Variants in SGMS1 observed in about 807,000 individuals in gnomAD.
SGMS1 encodes the protein sphingomyelin synthase 1, also known as phosphatidylcholine:ceramide cholinephosphotransferase 1.
A neutral mutation model predicts 46.2 loss-of-function variants in SGMS1; 13 were observed. The observed-to-expected ratio is 0.28, with a 90% confidence interval of 0.18 to 0.45. The LOEUF is 0.45. Among genes scored for constraint, SGMS1 ranks in the 20% least tolerant of loss-of-function variants. The pLI, the probability that SGMS1 is intolerant of heterozygous loss-of-function variation, is 1.00. For missense variants in SGMS1, 324 were observed against 519.9 expected, an observed-to-expected ratio of 0.62 and a Z score of 3.66; for synonymous variants, 203 against 187.8, an observed-to-expected ratio of 1.08 and a Z score of -0.66.
intron 1 of SGMS1, among the ~76,000 whole-genome samples, chr10:50,593,173 C>CTG (rs1468903885): frequency 6.6e-6 from 1 of 152,250 alleles, no homozygotes; most frequent in Non-Finnish European, 1.5e-5. Flanking sequence ...CAGCAAGGAA[C>CTG]TGAGGCCTCC....
chr10:50,427,292 C>T (rs1340287425), intron 6 of SGMS1, among the ~76,000 whole-genome samples: 3 of 151,910 alleles, frequency 2.0e-5, no homozygotes, highest in Non-Finnish European at 2.9e-5. Context: ...CCAGCTACTC[C>T]GGAGGCTGAG....
chr10:50,392,450 C>T (rs1848786754), intron 6 of SGMS1, among the ~76,000 whole-genome samples: 1 of 152,164 alleles, frequency 6.6e-6, no homozygotes, highest in Non-Finnish European at 1.5e-5. Context: ...CACAGTCTTT[C>T]ACCTAACTGT....
intron 8 of SGMS1, among the ~76,000 whole-genome samples, chr10:50,317,855 G>A (rs1213359948): frequency 6.8e-6 from 1 of 147,832 alleles, no homozygotes; most frequent in Non-Finnish European, 1.5e-5. Context: ...CCCGGCTGGA[G>A]TGCAATGGCA....
chr10:50,386,482 A>C (rs1848684330), intron 6 of SGMS1, among the ~76,000 whole-genome samples: 1 of 152,160 alleles, frequency 6.6e-6, no homozygotes, highest in East Asian at 1.9e-4. Flanking sequence ...TCCACACCTT[A>C]AAGACTAGGA....
At chr10:50,590,588 T>C (rs1277436876) in intron 1 of SGMS1, 1 of 152,126 alleles carries the variant, frequency 6.6e-6, no homozygotes, top group African/African-American at 2.4e-5. Context: ...TATGTATACA[T>C]TGTGAAATGA....
rs1001058019 is a variant in SGMS1 at position 50,546,790 on chromosome 10, G to A, written c.-588-26869C>T. On this transcript the variant is annotated intron_variant, in intron 2 of 10. Transcript: ENST00000361781. Reference sequence around the variant, plus strand: ...CAATGTAAATTATGAGTTAATGGGTGCAGCACACCAACATGGCGCATGTAT... The same window carrying A: ...CAATGTAAATTATGAGTTAATGGGTACAGCACACCAACATGGCGCATGTAT... Among the ~76,000 whole-genome samples, 49 of 152,094 alleles carry A rather than the reference G, an allele frequency of 3.2e-4. 1 individual carries two copies. The highest frequency in any genetic ancestry group is 1.1e-3 in the African/African-American group (44 of 41,390).
intron 3 of SGMS1, among the ~76,000 whole-genome samples, chr10:50,499,140 G>C (rs1837640408): frequency 6.6e-6 from 1 of 152,100 alleles, no homozygotes; most frequent in African/African-American, 2.4e-5. Flanking sequence ...CTTTCTGAGA[G>C]GTAATTTTAA....
At position 50,464,995 on chromosome 10, in the gene SGMS1, T is replaced by C. The variant is rs537880715; in HGVS notation, c.-455+1895A>G. Among the ~76,000 whole-genome samples the C allele has an allele frequency of 3.9e-5, 6 of 152,250 alleles. No individual in the cohort carries two copies. The East Asian group carries it at 9.7e-4, about 25-fold the overall frequency. On this transcript the variant is annotated intron_variant, in intron 4 of 10. Transcript: ENST00000361781. Reference sequence around the variant, plus strand: ...TCCAGATAAGGCTGAAACGAAAGCATTGGATCTAGGCATTCTCAGGCTTGG... The same window carrying C: ...TCCAGATAAGGCTGAAACGAAAGCACTGGATCTAGGCATTCTCAGGCTTGG...
intron 2 of SGMS1, among the ~76,000 whole-genome samples, chr10:50,588,967 A>G (rs1161697246): frequency 6.6e-6 from 1 of 151,928 alleles, no homozygotes. Context: ...CTGACTTCAA[A>G]TGATCCACCT....
At position 50,534,779 on chromosome 10, in the gene SGMS1, T is replaced by C. The variant is rs544270431; in HGVS notation, c.-588-14858A>G. Among the ~76,000 whole-genome samples, 34 of 152,268 alleles carry C rather than the reference T, an allele frequency of 2.2e-4. No individual in the cohort carries two copies. In the East Asian group the frequency reaches 6.4e-3, roughly 28 times the overall value. ...CTTAAAAATATAAAATATATACACA[T>C]AGAAAAAGAATAGGCAAAATACACC... is the stretch of plus-strand genomic sequence containing the variant. On this transcript the variant is annotated intron_variant, in intron 2 of 10. Transcript: ENST00000361781.
intron 3 of SGMS1, among the ~76,000 whole-genome samples, chr10:50,508,059 C>T (rs1195854855): frequency 6.6e-6 from 1 of 152,210 alleles, no homozygotes; most frequent in Non-Finnish European, 1.5e-5. Context: ...CCCAGCAACT[C>T]AGCCAGTCTT....
chr10:50,562,583 G>A (rs1221695920), intron 2 of SGMS1, among the ~76,000 whole-genome samples: 3 of 152,044 alleles, frequency 2.0e-5, no homozygotes, highest in Non-Finnish European at 2.9e-5. Context: ...TCGCTCTGTC[G>A]CCCAGGCTGG....
At chr10:50,589,274 G>A (rs934643832) in intron 2 of SGMS1, among the ~76,000 whole-genome samples, 1 of 152,092 alleles carries the variant, frequency 6.6e-6, no homozygotes, top group Admixed American at 6.5e-5. Flanking sequence ...CCGTGTGTGT[G>A]AGAGAGATAG....
intron 5 of SGMS1, among the ~76,000 whole-genome samples, chr10:50,439,295 C>T (rs1448157754): frequency 6.6e-6 from 1 of 152,178 alleles, no homozygotes; most frequent in Non-Finnish European, 1.5e-5. Flanking sequence ...CTAAAACTCA[C>T]TCAATGAGCC....
Position 50,306,329 on chromosome 10 carries a change from G to A in SGMS1, c.*813C>T, listed in dbSNP as rs1347211544. 1 of 152,390 alleles carries A rather than the reference G, an allele frequency of 6.6e-6. No individual in the cohort carries two copies. The highest frequency in any genetic ancestry group is 1.9e-4 in the East Asian group (1 of 5,198). The allele number at this position is 152,390 out of a possible 1,614,324, so 9.4% of individuals were successfully genotyped here. A position where few individuals can be genotyped will look rare whatever the true frequency, so the allele number is the denominator to read the frequency against. ...TGTATACATATATTTATATTTTCAA[G>A]GAATACTTTATTTTAAATAAAAACA... On this transcript the variant is annotated 3_prime_UTR_variant, in exon 11 of 11. Transcript: ENST00000361781.
At chr10:50,623,305 C>T (rs1380454774) in intron 1 of SGMS1, among the ~76,000 whole-genome samples, 1 of 152,152 alleles carries the variant, frequency 6.6e-6, no homozygotes, top group Non-Finnish European at 1.5e-5. Flanking sequence ...GGTCTCCGGA[C>T]CCCGGGCGGG....
At position 50,344,240 on chromosome 10, in the gene SGMS1, G is replaced by A. The variant is rs934429836; in HGVS notation, c.-126C>T. Reference sequence around the variant, plus strand: ...TGTGGGGCCTCATGAGCAGAGACTTGTTTGGCAAGATGGTCAGGGCAGTTT... The same window carrying A: ...TGTGGGGCCTCATGAGCAGAGACTTATTTGGCAAGATGGTCAGGGCAGTTT... On this transcript the variant is annotated 5_prime_UTR_variant, in exon 7 of 11. Transcript: ENST00000361781. 15 of 1,328,154 alleles carry A rather than the reference G, an allele frequency of 1.1e-5. No homozygotes were observed. The Admixed American group carries it at 3.7e-4, about 33-fold the overall frequency. The allele number at this position is 1,328,154 out of a possible 1,614,324, so 82.3% of individuals were successfully genotyped here. A position where few individuals can be genotyped will look rare whatever the true frequency, so the allele number is the denominator to read the frequency against.
At chr10:50,498,258 G>C (rs952039096) in intron 3 of SGMS1, among the ~76,000 whole-genome samples, 1 of 152,148 alleles carries the variant, frequency 6.6e-6, no homozygotes, top group African/African-American at 2.4e-5. Flanking sequence ...AGAGGGAAGA[G>C]GAATTCACAA....
At position 50,327,244 on chromosome 10, in the gene SGMS1, T is replaced by C; in HGVS notation, c.702A>G (p.Thr234=). Residue 234 remains threonine (T), a synonymous_variant, in exon 8 of 11, where the codon ACA becomes ACG. Coordinates refer to ENST00000361781, the MANE Select transcript of SGMS1 (RefSeq NM_147156.4). ...LYRCITMYVT[T]LPVPGMHFNC... ...TGAAATGCATACCAGGTACTGGGAG[T>C]GTAGTTACATACATTGTAATACACC... The C allele has an allele frequency of 6.2e-7, 1 of 1,606,164 alleles. No individual in the cohort carries two copies. Among genetic ancestry groups the C allele is most frequent in the Non-Finnish European group, 8.5e-7 (1 of 1,174,550 alleles).
Sources: gnomAD v4.1 joint callset for allele counts (sites outside exome capture counted in the v4.1 genomes callset) on GRCh38, gnomAD v4.1.1 for gene constraint, MANE v1.5 for transcripts, NCBI Gene and HGNC (gene_info 2026-07-23, HGNC 2026-07-21) for gene names.